Variants in CRYM observed in about 807,000 individuals in gnomAD.
CRYM encodes the protein ketimine reductase mu-crystallin.
A neutral mutation model predicts 32.9 loss-of-function variants in CRYM; 18 were observed. The ratio of observed to expected loss-of-function variants is 0.55; its 90% confidence interval spans 0.38 to 0.81. The LOEUF is 0.81. CRYM is among the 30% of genes least tolerant of loss of function. The pLI is 0.00. For synonymous variants in CRYM, 153 were observed against 152.4 expected (o/e 1.00, Z -0.03); for missense variants, 337 against 393.5 (o/e 0.86, Z 1.21).
chr16:21,293,310 C>A (rs1194468003), intron 1 of CRYM, among the ~76,000 whole-genome samples: 1 of 152,020 alleles, frequency 6.6e-6, no homozygotes, highest in Non-Finnish European at 1.5e-5. Flanking sequence ...ATTGAAACAC[C>A]CACTTTGGAT....
rs2093390328 is a variant in CRYM, at chr16:21,277,941, G to A, written c.170+141C>T. 3 of 975,864 alleles carry A rather than the reference G, an allele frequency of 3.1e-6. No individual in the cohort carries two copies. Among genetic ancestry groups the A allele is most frequent in the Admixed American group, 4.8e-5 (2 of 41,816 alleles). 60.5% of individuals were successfully genotyped at this position (975,864 alleles called of 1,614,324 possible). On this transcript the variant is annotated intron_variant, in intron 1 of 7. Coordinates refer to ENST00000572914, the MANE Select transcript of CRYM (RefSeq NM_001376256.1). The surrounding 1 kb of genome is among the most constrained non-coding windows in gnomAD (Gnocchi z 4.2). ...CTGTAAAACGCCCACTTAGCACACC[G>A]GGTAGCGCCTATTAAAAGTGGCAGC...
In CRYM at chr16:21,276,044, G is replaced by A. The variant is rs79846944; in HGVS notation, c.325-450C>T. On this transcript the variant is annotated intron_variant, in intron 2 of 7. Transcript: ENST00000572914. The stretch of plus-strand genomic sequence containing the variant: ...TCCTGCTGCACATGTGGAAAGCTTC[G>A]TGAAGATGCTCAGATACCACCCTTA... Among the ~76,000 whole-genome samples the A allele has an allele frequency of 7.2e-3, 1,098 of 152,276 alleles. 38 individuals are homozygous for A. In the East Asian group the frequency reaches 0.11, roughly 16 times the overall value.
intron 1 of CRYM, among the ~76,000 whole-genome samples, chr16:21,290,904 C>G (rs761894682): frequency 3.3e-5 from 5 of 152,090 alleles, no homozygotes; most frequent in Non-Finnish European, 7.4e-5. Flanking sequence ...GAGAAATAAT[C>G]AGCATTGGTT....
At position 21,261,044 on chromosome 16, in the gene CRYM, T is replaced by C. The variant is rs7194883; in HGVS notation, c.880+210A>G. The C allele has an allele frequency of 0.24, 146,696 of 618,710 alleles. 19,096 individuals carry two copies. Among genetic ancestry groups the C allele is most frequent in the African/African-American group, 0.31 (17,192 of 54,972 alleles). The allele number at this position is 618,710 out of a possible 1,614,324, so 38.3% of individuals were successfully genotyped here. Reference sequence around the variant, plus strand: ...ATCACTTGCCTAAGGACACCTGCCTTTGAGTGGCGGGGAAGGGACTCTGAC... The same window carrying C: ...ATCACTTGCCTAAGGACACCTGCCTCTGAGTGGCGGGGAAGGGACTCTGAC... On this transcript the variant is annotated intron_variant, in intron 7 of 7. Transcript: ENST00000572914.
At chr16:21,270,079 G>C (rs530605596) in intron 3 of CRYM, among the ~76,000 whole-genome samples, 188 bp from the exon 4 acceptor site, 4 of 152,202 alleles carry the variant, frequency 2.6e-5, no homozygotes, top group Admixed American at 2.0e-4. Context: ...AAGGAAGAAG[G>C]CTTCACTGAA....
intron 1 of CRYM, among the ~76,000 whole-genome samples, chr16:21,292,860 CTT>C (rs1960695939): frequency 6.6e-6 from 1 of 152,098 alleles, no homozygotes; most frequent in East Asian, 1.9e-4. Context: ...AATTGCAAGA[CTT>C]TGCACCAACT....
intron 5 of CRYM, 173 bp from the exon 6 acceptor site, chr16:21,262,331 A>G: frequency 4.1e-6 from 3 of 730,322 alleles, no homozygotes; most frequent in Non-Finnish European, 6.8e-6. Context: ...ACTTATTAAG[A>G]AATAGGCCAG....
intron 5 of CRYM, among the ~76,000 whole-genome samples, chr16:21,266,559 C>G (rs566865519): frequency 3.9e-5 from 6 of 152,150 alleles, no homozygotes; most frequent in African/African-American, 1.4e-4. Context: ...TATTAAAAAG[C>G]ATATACATGT....
intron 1 of CRYM, among the ~76,000 whole-genome samples, chr16:21,295,353 A>G (rs1258341232): frequency 6.6e-6 from 1 of 152,202 alleles, no homozygotes; most frequent in Admixed American, 6.5e-5. Context: ...TGACTTTTTA[A>G]TAATCTCCAT....
chr16:21,271,793 T>C (rs2093375842), intron 3 of CRYM, among the ~76,000 whole-genome samples: 1 of 152,224 alleles, frequency 6.6e-6, no homozygotes, highest in Admixed American at 6.5e-5. Context: ...ACTAAATGTG[T>C]AATTCTAATT....
In CRYM at chr16:21,277,565, C is replaced by A; in HGVS notation, c.190G>T (p.Ala64Ser). 6.2e-7 allele frequency: 1 copy of A among 1,613,878 alleles called. No individual in the cohort carries two copies. The highest frequency in any genetic ancestry group is 1.7e-4 in the Middle Eastern group (1 of 5,988). Residue 64 changes from alanine to serine, a missense_variant, in exon 2 of 8, where the codon GCC (alanine) becomes TCC (serine). Physicochemically the swap from Ala to Ser is moderately conservative, Grantham distance 99 (BLOSUM62 1). Coordinates refer to ENST00000572914, the MANE Select transcript of CRYM (RefSeq NM_001376256.1). The surrounding 1 kb of genome is among the most constrained non-coding windows in gnomAD (Gnocchi z 4.2). ...KHRGYLGVMP[A>S]YSAAEDALTT... The stretch of plus-strand genomic sequence containing the variant: ...AGTGCATCCTCTGCAGCACTGTAGG[C>A]GGGCATGACCCCCAGGTAGCTACAA...
At chr16:21,274,523 G>T (rs1451522507) in intron 3 of CRYM, among the ~76,000 whole-genome samples, 1 of 152,076 alleles carries the variant, frequency 6.6e-6, no homozygotes, top group African/African-American at 2.4e-5. Context: ...TTATTAATAT[G>T]TACTAATTAT....
chr16:21,291,226 T>C (rs1960647491), intron 1 of CRYM, among the ~76,000 whole-genome samples: 2 of 152,182 alleles, frequency 1.3e-5, no homozygotes, highest in South Asian at 4.1e-4. Flanking sequence ...TTCCTGCTGG[T>C]ACCCATTTAT....
Position 21,278,143 on chromosome 16 carries a change from C to G in CRYM, c.109G>C (p.Gly37Arg). 6.4e-7 allele frequency: 1 copy of G among 1,551,130 alleles called. No individual in the cohort carries two copies. Among genetic ancestry groups the G allele is most frequent in the Non-Finnish European group, 8.7e-7 (1 of 1,147,668 alleles). ...GGCTGCATGACCCCTCCTTCGGGAC[C>G]GCTGGAGAAGTTGGCCAGGGCCGTC... Reference protein sequence around the residue: ...LETALANFSSGPEGGVMQPVR... With the variant: ...LETALANFSSRPEGGVMQPVR... The change falls in exon 1 of 8, where the codon GGT becomes CGT. Residue 37 changes from glycine to arginine, a missense_variant. Transcript: ENST00000572914.
intron 1 of CRYM, among the ~76,000 whole-genome samples, chr16:21,289,719 T>G (rs942446930): frequency 1.3e-5 from 2 of 152,164 alleles, no homozygotes; most frequent in African/African-American, 4.8e-5. Flanking sequence ...CCAGCTGGGC[T>G]GCTGGCACAG....
At chr16:21,259,438 T>C (rs1328858078) in intron 7 of CRYM, among the ~76,000 whole-genome samples, 1 of 152,134 alleles carries the variant, frequency 6.6e-6, no homozygotes, top group African/African-American at 2.4e-5. Context: ...GGTCAGACAG[T>C]AAATCCTTTA....
At chr16:21,258,953 C>T in intron 7 of CRYM, 108 bp from the exon 8 acceptor site, 1 of 858,674 alleles carries the variant, frequency 1.2e-6, no homozygotes. Flanking sequence ...TTGCCAATGC[C>T]TATTGGAATA....
chr16:21,295,354 T>C (rs1210769405), intron 1 of CRYM, among the ~76,000 whole-genome samples: 1 of 152,260 alleles, frequency 6.6e-6, no homozygotes, highest in Non-Finnish European at 1.5e-5. Context: ...GACTTTTTAA[T>C]AATCTCCATT....
chr16:21,281,269 T>C (rs2093397828), upstream of CRYM, among the ~76,000 whole-genome samples: 1 of 151,742 alleles, frequency 6.6e-6, no homozygotes, highest in Admixed American at 6.6e-5. Flanking sequence ...TAAATTTTTT[T>C]TTTGAAACAA....
Sources: gnomAD v4.1 joint callset for allele counts (sites outside exome capture counted in the v4.1 genomes callset) on GRCh38, gnomAD v4.1.1 for gene constraint, Gnocchi (gnomAD v3.1) non-coding constraint, MANE v1.5 for transcripts, NCBI Gene and HGNC (gene_info 2026-07-23, HGNC 2026-07-21) for gene names.